The following COL24A1 variants were observed in gnomAD, a reference collection of about 807,000 sequenced individuals.
COL24A1 encodes the protein collagen type XXIV alpha 1 chain.
A neutral mutation model predicts 253.9 loss-of-function variants in COL24A1; 224 were observed. The observed-to-expected ratio is 0.88, with a 90% confidence interval of 0.79 to 0.99. The LOEUF (loss-of-function observed/expected upper bound fraction) is 0.99, where lower values mean the gene tolerates loss of function less well. Among genes scored for constraint, COL24A1 ranks in the 50% least tolerant of loss-of-function variants. The pLI, the probability that COL24A1 is intolerant of heterozygous loss-of-function variation, is 0.00. For missense variants in COL24A1, 2,131 were observed against 2,068.5 expected (o/e 1.03, Z -0.59); for synonymous variants, 685 against 673.7 (o/e 1.02, Z -0.26).
intron 12 of COL24A1, among the ~76,000 whole-genome samples, chr1:86,038,218 TCAGGAAGAATA>T (rs1299864861): frequency 2.4e-4 from 37 of 152,200 alleles, no homozygotes; most frequent in African/African-American, 6.5e-4. Context: ...TTCTATTACC[TCAGGAAGAATA>T]AATCATAATA....
intron 1 of COL24A1, among the ~76,000 whole-genome samples, chr1:86,147,795 A>AT (rs1182278161): frequency 1.3e-5 from 2 of 152,228 alleles, no homozygotes; most frequent in Non-Finnish European, 2.9e-5. Context: ...ATCTAAATTG[A>AT]TTTTACTTTT....
intron 47 of COL24A1, among the ~76,000 whole-genome samples, chr1:85,799,211 A>AAAAAAAAAGAAAGAAAGAAAGAAAG (rs753701297): frequency 7.3e-6 from 1 of 137,546 alleles, no homozygotes; most frequent in African/African-American, 2.8e-5. Flanking sequence ...TTGGCCACAT[A>AAAAAAAAAGAAAGAAAGAAAGAAAG]AAAGAAAGAA....
intron 57 of COL24A1, among the ~76,000 whole-genome samples, chr1:85,741,612 C>G (rs1664652600): frequency 6.6e-6 from 1 of 152,168 alleles, no homozygotes; most frequent in African/African-American, 2.4e-5. Context: ...CCTCCTGAAG[C>G]CACCAAGCTT....
chr1:85,878,443 A>T (rs1385647678), intron 32 of COL24A1, among the ~76,000 whole-genome samples: 1 of 152,216 alleles, frequency 6.6e-6, no homozygotes, highest in Non-Finnish European at 1.5e-5. Flanking sequence ...GGATTTCAAC[A>T]TATGAATTTT....
Position 86,152,120 on chromosome 1 carries a change from A to G in COL24A1, c.56+4221T>C, listed in dbSNP as rs1652859958. On this transcript the variant is annotated intron_variant, in intron 1 of 59. Coordinates refer to ENST00000370571, the MANE Select transcript of COL24A1 (RefSeq NM_152890.7). ...AAGAGTTTTCATCACAGCAGTGGACATAAAGTTGGATGATTCAGGGAGCAA... is the reference window on the plus strand; with the variant it reads ...AAGAGTTTTCATCACAGCAGTGGACGTAAAGTTGGATGATTCAGGGAGCAA... Among the ~76,000 whole-genome samples the G allele has an allele frequency of 2.0e-5, 3 of 152,236 alleles. No homozygotes were observed. In the South Asian group the frequency reaches 6.2e-4, roughly 31 times the overall value.
intron 14 of COL24A1, among the ~76,000 whole-genome samples, chr1:86,026,645 T>G (rs1262161440): frequency 6.6e-6 from 1 of 152,172 alleles, no homozygotes; most frequent in Non-Finnish European, 1.5e-5. Context: ...TTACCCAGTC[T>G]CGGATATTTC....
At chr1:86,093,831 T>C (rs544239049) in intron 5 of COL24A1, among the ~76,000 whole-genome samples, 1 of 152,096 alleles carries the variant, frequency 6.6e-6, no homozygotes, top group South Asian at 2.1e-4. Flanking sequence ...GTGCAAGGGA[T>C]ATGAAAAGAA....
chr1:86,006,396 C>T (rs1695961442), intron 19 of COL24A1, among the ~76,000 whole-genome samples: 1 of 152,150 alleles, frequency 6.6e-6, no homozygotes, highest in Non-Finnish European at 1.5e-5. Context: ...GGAGCGAAGG[C>T]AGTACAATGG....
At chr1:86,017,051 G>C in intron 19 of COL24A1, 100 bp downstream of exon 19, 3 of 1,100,830 alleles carry the variant, frequency 2.7e-6, no homozygotes, top group Non-Finnish European at 3.9e-6. Context: ...ACTTTAAAGA[G>C]GATCTTTCTT....
intron 14 of COL24A1, among the ~76,000 whole-genome samples, chr1:86,031,252 G>A (rs898559820): frequency 6.6e-6 from 1 of 151,988 alleles, no homozygotes; most frequent in Non-Finnish European, 1.5e-5. Context: ...TATGAGAAGG[G>A]TAGGAGTGGG....
intron 52 of COL24A1, among the ~76,000 whole-genome samples, chr1:85,777,391 G>T (rs1347417676): frequency 1.3e-5 from 2 of 151,822 alleles, no homozygotes; most frequent in African/African-American, 4.8e-5. Flanking sequence ...GTATGTATGA[G>T]AAATATTGCT....
chr1:86,156,326 G>A lies in COL24A1; in HGVS notation c.56+15C>T, dbSNP rs1186790290. On this transcript the variant is annotated intron_variant, in intron 1 of 59. Coordinates refer to ENST00000370571, the MANE Select transcript of COL24A1 (RefSeq NM_152890.7). The stretch of plus-strand genomic sequence containing the variant: ...TGGTCTAACCCCTACCCTACCCGGC[G>A]GGTGGGCTACTTACGTTTTTGCCGT... 1.2e-6 allele frequency: 2 copies of A among 1,611,626 alleles called. No homozygotes were observed. Among genetic ancestry groups the A allele is most frequent in the African/African-American group, 1.3e-5 (1 of 74,806 alleles).
intron 7 of COL24A1, among the ~76,000 whole-genome samples, chr1:86,075,080 C>A (rs1557511988): frequency 6.6e-6 from 1 of 151,622 alleles, no homozygotes; most frequent in Non-Finnish European, 1.5e-5. Flanking sequence ...AAAAACTCTT[C>A]AAAAAATCAA....
Position 85,729,908 on chromosome 1 carries a change from T to G in COL24A1, c.*638A>C, listed in dbSNP as rs1663313516. 1.3e-5 allele frequency: 2 copies of G among 152,510 alleles called. No homozygotes were observed. The highest frequency in any genetic ancestry group is 2.9e-5 in the Non-Finnish European group (2 of 68,008). 9.4% of individuals were successfully genotyped at this position (152,510 alleles called of 1,614,324 possible). ...AAGTGTGTGACCAAACAAATTAAAA[T>G]AAGTACTAACAACCAAAACATATCT... On this transcript the variant is annotated 3_prime_UTR_variant, in exon 60 of 60. Coordinates refer to ENST00000370571, the MANE Select transcript of COL24A1 (RefSeq NM_152890.7).
chr1:85,937,062 C>T lies in COL24A1; in HGVS notation c.2562+24187G>A, dbSNP rs888830887. 2.7e-5 allele frequency among the ~76,000 whole-genome samples: 4 copies of T among 147,528 alleles called. 1 individual carries two copies. The highest frequency in any genetic ancestry group is 6.0e-5 in the Non-Finnish European group (4 of 66,710). ...TAAGCAAGTTGTCCATATTCCCAGC[C>T]AGTACCTCTTCTTTAGCTGACACCT... On this transcript the variant is annotated intron_variant, in intron 24 of 59. Coordinates refer to ENST00000370571, the MANE Select transcript of COL24A1 (RefSeq NM_152890.7).
At chr1:86,112,700 A>C in intron 4 of COL24A1, 80 bp from the exon 5 acceptor site, 2 of 1,295,258 alleles carry the variant, frequency 1.5e-6, no homozygotes, top group Non-Finnish European at 2.2e-6. Context: ...TCCTCTCAAC[A>C]TGTGTGATCC....
At chr1:85,899,894 C>G (rs1222550504) in intron 28 of COL24A1, among the ~76,000 whole-genome samples, 1 of 152,100 alleles carries the variant, frequency 6.6e-6, no homozygotes, top group African/African-American at 2.4e-5. Context: ...GCCTGACTCC[C>G]ACGATGTCTA....
chr1:86,043,442 C>T (rs539978574), intron 12 of COL24A1, among the ~76,000 whole-genome samples: 1 of 152,202 alleles, frequency 6.6e-6, no homozygotes, highest in East Asian at 1.9e-4. Context: ...TAATACGATT[C>T]TACTAATGAT....
chr1:85,874,671 C>T lies in COL24A1; in HGVS notation c.3116G>A (p.Gly1039Glu). Residue 1039 changes from glycine (G) to glutamate (E), a missense_variant, in exon 35 of 60, where the codon GGA (glycine) becomes GAA (glutamate). By Grantham distance (98) the Gly-to-Glu change is moderately conservative. Coordinates refer to ENST00000370571, the MANE Select transcript of COL24A1 (RefSeq NM_152890.7). ...GDVGTAGSVGGTGEPGLRGEP... is the reference protein window; with the variant it reads ...GDVGTAGSVGETGEPGLRGEP... ...CACCCGTAAACCTGGTTCCCCAGTT[C>T]CTCCAACACTGCCAGCAGTTCCAAC... 1.2e-6 allele frequency: 2 copies of T among 1,612,524 alleles called. No individual in the cohort carries two copies. The highest frequency in any genetic ancestry group is 1.7e-6 in the Non-Finnish European group (2 of 1,179,948).
Sources: gnomAD v4.1 joint callset for allele counts (sites outside exome capture counted in the v4.1 genomes callset) on GRCh38, gnomAD v4.1.1 for gene constraint, MANE v1.5 for transcripts, NCBI Gene and HGNC (gene_info 2026-07-23, HGNC 2026-07-21) for gene names.